Variants in TBL1X observed in about 807,000 individuals in gnomAD.
TBL1X encodes transducin beta like 1 X-linked.
In TBL1X, 10 loss-of-function variants were observed where a neutral mutation model predicts 50.7. The ratio of observed to expected loss-of-function variants is 0.20; its 90% CI spans 0.12 to 0.33. The LOEUF (loss-of-function observed/expected upper bound fraction) is 0.33. TBL1X is among the 10% of genes least tolerant of loss of function. The pLI is 1.00. For synonymous variants in TBL1X, 190 were observed against 214.7 expected (o/e 0.88, Z 1.01); for missense variants, 340 against 504.4 (o/e 0.67, Z 3.12).
chrX:9,566,130 C>T (rs2082350256), intron 2 of TBL1X, among the ~76,000 whole-genome samples: 1 of 111,913 alleles, frequency 8.9e-6, no homozygotes. Context: ...GGTTTCACAA[C>T]CTTGGCATTG....
chrX:9,656,507 C>T (rs974175378), intron 5 of TBL1X, among the ~76,000 whole-genome samples: 5 of 112,656 alleles, frequency 4.4e-5, no homozygotes, highest in African/African-American at 1.6e-4. Context: ...CCAGAAAGGT[C>T]GGCTTCCTTA....
intron 3 of TBL1X, among the ~76,000 whole-genome samples, chrX:9,649,216 A>G (rs765380016): frequency 3.6e-5 from 4 of 112,422 alleles, no homozygotes. Flanking sequence ...TGTAGATTCT[A>G]CAATTTTTGG....
intron 5 of TBL1X, among the ~76,000 whole-genome samples, chrX:9,681,934 G>A (rs972732696): frequency 1.8e-5 from 2 of 112,659 alleles, no homozygotes; most frequent in African/African-American, 3.2e-5. Flanking sequence ...TAGGAGCCAC[G>A]TGAGTGGCCC....
In TBL1X at chrX:9,684,206, C is replaced by T; in HGVS notation, c.357+18C>T. 8.3e-7 allele frequency: 1 copy of T among 1,210,859 alleles called. No homozygotes were observed. Among genetic ancestry groups the T allele is most frequent in the Non-Finnish European group, 1.1e-6 (1 of 894,852 alleles). On this transcript the variant is annotated intron_variant, in intron 6 of 17. Coordinates refer to ENST00000645353, the MANE Select transcript of TBL1X (RefSeq NM_005647.4). Reference sequence around the variant, plus strand: ...TCAACGAGGTACGTAGCTGCTGGGCCCGGCCCCCAAACAGCAGAGCCCTGG... The same window carrying T: ...TCAACGAGGTACGTAGCTGCTGGGCTCGGCCCCCAAACAGCAGAGCCCTGG...
chrX:9,584,990 G>A (rs992007126), intron 2 of TBL1X, among the ~76,000 whole-genome samples: 2 of 111,417 alleles, frequency 1.8e-5, no homozygotes, highest in African/African-American at 6.5e-5. Flanking sequence ...ATTTTATGTC[G>A]TGAATGTTAC....
At chrX:9,553,224 C>T (rs2082279145) in intron 2 of TBL1X, among the ~76,000 whole-genome samples, 1 of 111,071 alleles carries the variant, frequency 9.0e-6, no homozygotes, top group Admixed American at 9.5e-5. Flanking sequence ...CACAGAGGTG[C>T]TTCTGAGTGG....
At chrX:9,612,907 A>G (rs1211356342) in intron 2 of TBL1X, among the ~76,000 whole-genome samples, 1 of 111,016 alleles carries the variant, frequency 9.0e-6, no homozygotes. Flanking sequence ...GTATTTTTCA[A>G]AAAATAAGTA....
intron 2 of TBL1X, among the ~76,000 whole-genome samples, chrX:9,558,988 G>A (rs1480121892): frequency 8.9e-6 from 1 of 112,269 alleles, no homozygotes; most frequent in Non-Finnish European, 1.9e-5. Context: ...GTTGTATGTA[G>A]TCCACAATTT....
chrX:9,719,357 G>A lies in TBL1X; in HGVS notation c.*3111G>A, dbSNP rs972926831. On this transcript the variant is annotated 3_prime_UTR_variant, in exon 18 of 18. Coordinates refer to ENST00000645353, the MANE Select transcript of TBL1X (RefSeq NM_005647.4). ...CCAAGTGAAGTGCACTTTGTCAAAT[G>A]TAAGGGTCTGCTTTGTTCTTGTTGC... is the stretch of plus-strand genomic sequence containing the variant. 1 of 111,937 alleles carries A rather than the reference G, an allele frequency of 8.9e-6. No individual in the cohort carries two copies. The highest frequency in any genetic ancestry group is 9.5e-5 in the Admixed American group (1 of 10,558). The allele number at this position is 111,937 out of a possible 1,213,427, so 9.2% of individuals were successfully genotyped here. A position where few individuals can be genotyped will look rare whatever the true frequency, so the allele number is the denominator to read the frequency against.
At chrX:9,588,520 G>A (rs1464981685) in intron 2 of TBL1X, among the ~76,000 whole-genome samples, 1 of 111,502 alleles carries the variant, frequency 9.0e-6, no homozygotes, top group East Asian at 2.8e-4. Flanking sequence ...TTTTGCCTCA[G>A]GATCCAGTAT....
intron 3 of TBL1X, among the ~76,000 whole-genome samples, chrX:9,649,512 A>C (rs1185913395): frequency 8.9e-6 from 1 of 112,440 alleles, no homozygotes; most frequent in Non-Finnish European, 1.9e-5. Context: ...ATTTAAAAAC[A>C]ATGAATCTGT....
At chrX:9,569,282 A>T (rs1325534649) in intron 2 of TBL1X, among the ~76,000 whole-genome samples, 1 of 74,761 alleles carries the variant, frequency 1.3e-5, no homozygotes, top group Non-Finnish European at 2.5e-5. Context: ...CTATCTGTGC[A>T]GTATCTGTGC....
chrX:9,545,265 G>A (rs1031242819), intron 2 of TBL1X, among the ~76,000 whole-genome samples: 1 of 111,096 alleles, frequency 9.0e-6, no homozygotes, highest in African/African-American at 3.3e-5. Flanking sequence ...ACCCTGGCTG[G>A]GTGTGGTGGC....
chrX:9,514,088 T>C (rs5979106), intron 2 of TBL1X, among the ~76,000 whole-genome samples: 1,709 of 110,522 alleles, frequency 0.015, 38 homozygotes, highest in African/African-American at 0.054. Context: ...ACTGTGAGAT[T>C]TGGAAAGGGA....
intron 16 of TBL1X, among the ~76,000 whole-genome samples, chrX:9,713,771 CT>C (rs1460101302): frequency 9.1e-6 from 1 of 110,097 alleles, no homozygotes; most frequent in East Asian, 2.8e-4. Context: ...TTAAAGCCCA[CT>C]TTAATCTTTC....
chrX:9,646,976 C>G (rs1241621466), intron 3 of TBL1X, among the ~76,000 whole-genome samples: 1 of 111,837 alleles, frequency 8.9e-6, no homozygotes, highest in Non-Finnish European at 1.9e-5. Flanking sequence ...CACCAGCTCT[C>G]CAGCAGGCCC....
upstream of TBL1X, among the ~76,000 whole-genome samples, chrX:9,464,169 C>T (rs780949155): frequency 2.7e-5 from 3 of 111,100 alleles, no homozygotes; most frequent in Admixed American, 9.5e-5. Context: ...TGGGAGTAGC[C>T]TACGTGGAGG....
At chrX:9,651,258 AG>A (rs1295304476) in intron 3 of TBL1X, among the ~76,000 whole-genome samples, 2 of 111,035 alleles carry the variant, frequency 1.8e-5, no homozygotes, top group Non-Finnish European at 3.8e-5. Flanking sequence ...TTGCCCAGGC[AG>A]GTCTCAAACT....
At chrX:9,593,091 A>C (rs1198160428) in intron 2 of TBL1X, among the ~76,000 whole-genome samples, 1 of 111,371 alleles carries the variant, frequency 9.0e-6, no homozygotes, top group Non-Finnish European at 1.9e-5. Flanking sequence ...AGGGTGGAGA[A>C]AGGGAGTTGA....
Sources: allele counts gnomAD v4.1 joint callset (sites outside exome capture counted in the v4.1 genomes callset), GRCh38; gene constraint gnomAD v4.1.1; transcripts MANE v1.5; gene names NCBI Gene and HGNC (gene_info 2026-07-23, HGNC 2026-07-21).